Variants in RBFOX1 observed in about 807,000 individuals in gnomAD.
RBFOX1 encodes RNA binding fox-1 homolog 1, also known as RNA binding protein fox-1 homolog 1.
RBFOX1 carries 8 observed loss-of-function variants against 57.7 expected under a neutral mutation model. The observed-to-expected ratio is 0.14, with a 90% CI of 0.08 to 0.25. RBFOX1 has a LOEUF of 0.25. Among genes scored for constraint, RBFOX1 ranks in the 10% least tolerant of loss-of-function variants. The probability of loss-of-function intolerance (pLI) is 1.00; values close to 1 mark genes in which losing one functional copy is unlikely to be tolerated. For synonymous variants in RBFOX1, 326 were observed against 222.4 expected (o/e 1.47, Z -4.15); for missense variants, 611 against 548.5 (o/e 1.11, Z -1.14).
intron 4 of RBFOX1, among the ~76,000 whole-genome samples, chr16:7,232,041 T>C (rs548128044): frequency 1.6e-4 from 25 of 152,316 alleles, no homozygotes; most frequent in African/African-American, 4.6e-4. Flanking sequence ...TCCTTTTTTT[T>C]TTGAGACAGA....
intron 4 of RBFOX1, among the ~76,000 whole-genome samples, chr16:7,169,916 TA>T (rs1304288581): frequency 6.6e-6 from 1 of 151,104 alleles, no homozygotes; most frequent in Admixed American, 6.6e-5. Context: ...ACAAAAAAAA[TA>T]AAAAAAATAG....
chr16:5,281,121 G>A (rs1202029109), intron 1 of RBFOX1, among the ~76,000 whole-genome samples: 1 of 151,974 alleles, frequency 6.6e-6, no homozygotes, highest in African/African-American at 2.4e-5. Flanking sequence ...CATAGGTTTT[G>A]CATGATGTGT....
chr16:5,558,092 C>G (rs752968952), intron 2 of RBFOX1, among the ~76,000 whole-genome samples: 10 of 152,180 alleles, frequency 6.6e-5, no homozygotes, highest in African/African-American at 2.2e-4. Context: ...CTGAGAGCCA[C>G]TCCCATCACT....
intron 1 of RBFOX1, among the ~76,000 whole-genome samples, chr16:6,066,217 T>TG (rs1269146629): frequency 3.3e-3 from 435 of 130,034 alleles, no homozygotes; most frequent in African/African-American, 0.012. Flanking sequence ...TTGCTTGAAC[T>TG]GGGGGGGTTG....
intron 2 of RBFOX1, among the ~76,000 whole-genome samples, chr16:5,527,033 G>C (rs1322576310): frequency 6.6e-6 from 1 of 152,168 alleles, no homozygotes; most frequent in African/African-American, 2.4e-5. Flanking sequence ...TAGCGCTTGG[G>C]ACGGTGCCAT....
intron 4 of RBFOX1, among the ~76,000 whole-genome samples, chr16:7,118,912 T>C (rs1414152356): frequency 2.0e-5 from 3 of 152,178 alleles, no homozygotes; most frequent in Non-Finnish European, 4.4e-5. Context: ...GTTCTGGTTA[T>C]GATATGATTT....
intron 2 of RBFOX1, among the ~76,000 whole-genome samples, chr16:6,496,610 A>C (rs1285591400): frequency 6.6e-6 from 1 of 152,150 alleles, no homozygotes; most frequent in East Asian, 1.9e-4. Context: ...AAATCAAAGC[A>C]AGTTGCCCCA....
chr16:5,359,310 C>T (rs1182324050), intron 1 of RBFOX1, among the ~76,000 whole-genome samples: 4 of 152,182 alleles, frequency 2.6e-5, no homozygotes, highest in Non-Finnish European at 4.4e-5. Context: ...TACTGGTCTC[C>T]TTCCTTTTGC....
chr16:6,894,104 A>G (rs554898312), intron 3 of RBFOX1, among the ~76,000 whole-genome samples: 1 of 152,350 alleles, frequency 6.6e-6, no homozygotes, highest in South Asian at 2.1e-4. Context: ...ATAGACGAAC[A>G]GATACAAACA....
intron 4 of RBFOX1, among the ~76,000 whole-genome samples, chr16:7,382,934 C>T (rs1013109316): frequency 2.0e-5 from 3 of 152,128 alleles, no homozygotes; most frequent in African/African-American, 7.2e-5. Context: ...TAGACATCTC[C>T]CTGTAAAGGG....
At chr16:5,462,329 C>T (rs1017384505) in intron 1 of RBFOX1, among the ~76,000 whole-genome samples, 22 of 152,012 alleles carry the variant, frequency 1.4e-4, no homozygotes, top group African/African-American at 4.3e-4. Flanking sequence ...CCACCACGCC[C>T]GGCTAATTTT....
intron 3 of RBFOX1, among the ~76,000 whole-genome samples, chr16:7,042,412 C>T (rs190788672): frequency 6.6e-6 from 1 of 152,266 alleles, no homozygotes; most frequent in Admixed American, 6.5e-5. Context: ...TGAATATTTC[C>T]TATCTTTACG....
chr16:7,048,098 C>T (rs1352756853), intron 3 of RBFOX1, among the ~76,000 whole-genome samples: 2 of 152,068 alleles, frequency 1.3e-5, no homozygotes, highest in African/African-American at 4.8e-5. Flanking sequence ...AGGCTGGTCT[C>T]AAATTCCTGA....
intron 2 of RBFOX1, among the ~76,000 whole-genome samples, chr16:6,485,756 C>T (rs763017219): frequency 6.6e-6 from 1 of 152,298 alleles, no homozygotes; most frequent in Admixed American, 6.5e-5. Context: ...AAAGTACTTT[C>T]TGTCTCATGA....
chr16:7,581,406 C>T (rs909398572), intron 6 of RBFOX1, among the ~76,000 whole-genome samples: 2 of 152,058 alleles, frequency 1.3e-5, no homozygotes, highest in South Asian at 2.1e-4. Context: ...TTCTCTTTGC[C>T]GTGTCAGGTT....
chr16:6,730,592 T>A (rs2068319466), intron 3 of RBFOX1, among the ~76,000 whole-genome samples: 1 of 152,202 alleles, frequency 6.6e-6, no homozygotes, highest in African/African-American at 2.4e-5. Flanking sequence ...AAAAAGGGAT[T>A]GGATTCAGAG....
At chr16:7,557,536 C>G (rs576933937) in intron 5 of RBFOX1, among the ~76,000 whole-genome samples, 2 of 135,356 alleles carry the variant, frequency 1.5e-5, no homozygotes, top group East Asian at 2.2e-4. Context: ...AGGAGAGTCA[C>G]TTGAACCTGG....
At chr16:6,416,843 T>A (rs891810483) in intron 2 of RBFOX1, among the ~76,000 whole-genome samples, 3 of 152,180 alleles carry the variant, frequency 2.0e-5, no homozygotes, top group African/African-American at 7.2e-5. Flanking sequence ...TGTGCTGTCC[T>A]GAATTTTTAA....
chr16:7,268,610 G>C (rs1389235642), intron 4 of RBFOX1, among the ~76,000 whole-genome samples: 1 of 152,224 alleles, frequency 6.6e-6, no homozygotes, highest in East Asian at 1.9e-4. Context: ...TGGTGGCCAA[G>C]TTGTCTTGTG....
Sources: gnomAD v4.1 joint callset for allele counts (sites outside exome capture counted in the v4.1 genomes callset) on GRCh38, gnomAD v4.1.1 for gene constraint, MANE v1.5 for transcripts, NCBI Gene and HGNC (gene_info 2026-07-23, HGNC 2026-07-21) for gene names.